REV3L: variants seen among roughly 807,000 people sequenced by gnomAD.
REV3L encodes DNA polymerase zeta catalytic subunit.
REV3L carries 69 observed loss-of-function variants against 299.4 expected under a neutral mutation model. The observed-to-expected ratio is 0.23, with a 90% CI of 0.19 to 0.28. The LOEUF is 0.28. Among genes scored for constraint, REV3L ranks in the 10% least tolerant of loss-of-function variants. REV3L has a pLI of 1.00. For missense variants in REV3L, 3,128 were observed against 3,693.8 expected (o/e 0.85, Z 3.97); for synonymous variants, 1,238 against 1,271.4 (o/e 0.97, Z 0.56).
chr6:111,432,951 G>A (rs1787117818), intron 1 of REV3L, among the ~76,000 whole-genome samples: 1 of 152,032 alleles, frequency 6.6e-6, no homozygotes, highest in African/African-American at 2.4e-5. Context: ...AATGACCAAT[G>A]GGTCAATAAA....
chr6:111,335,746 G>A, intron 21 of REV3L, 136 bp from the exon 22 acceptor site: 1 of 770,936 alleles, frequency 1.3e-6, no homozygotes, highest in Non-Finnish European at 1.9e-6. Context: ...GAGCCTTTAA[G>A]CAAAGTATGC....
intron 27 of REV3L, 129 bp from the exon 28 acceptor site, chr6:111,313,618 C>A: frequency 1.1e-6 from 1 of 893,564 alleles, no homozygotes; most frequent in Non-Finnish European, 1.6e-6. Context: ...TGACTTTGGG[C>A]CCAACAAATT....
intron 20 of REV3L, among the ~76,000 whole-genome samples, chr6:111,348,726 C>T (rs751753870): frequency 6.6e-6 from 1 of 152,162 alleles, no homozygotes; most frequent in Non-Finnish European, 1.5e-5. Context: ...CACAGCTCAC[C>T]GCAACCTCGG....
chr6:111,465,714 C>T (rs1583094546), intron 1 of REV3L, among the ~76,000 whole-genome samples: 1 of 72,084 alleles, frequency 1.4e-5, no homozygotes, highest in Non-Finnish European at 2.6e-5. Context: ...GCCTGGGCAA[C>T]AAAGCGAGAT....
At chr6:111,449,171 A>G (rs1350147146) in intron 1 of REV3L, among the ~76,000 whole-genome samples, 1 of 152,216 alleles carries the variant, frequency 6.6e-6, no homozygotes, top group Non-Finnish European at 1.5e-5. Flanking sequence ...AAGCATGTAA[A>G]TCAATGGTCT....
chr6:111,347,115 C>T lies in REV3L; in HGVS notation c.7419+2103G>A, dbSNP rs549438219. Among the ~76,000 whole-genome samples the T allele has an allele frequency of 2.0e-4, 31 of 151,982 alleles. No homozygotes were observed. The South Asian group carries it at 5.6e-3, about 28-fold the overall frequency. ...AAAAACCGTGTCTCTACTAAACATA[C>T]AAAAATTAGCCAGGTGTGGTTCAGG... On this transcript the variant is annotated intron_variant, in intron 20 of 31. Transcript: ENST00000368802.
chr6:111,329,487 G>C, intron 25 of REV3L, 45 bp downstream of exon 25: 2 of 1,581,240 alleles, frequency 1.3e-6, no homozygotes, highest in Non-Finnish European at 1.7e-6. Context: ...GTGCCTCACT[G>C]TATTTTAGTC....
intron 2 of REV3L, among the ~76,000 whole-genome samples, chr6:111,415,705 C>T (rs1216341762): frequency 1.3e-5 from 2 of 152,028 alleles, no homozygotes; most frequent in African/African-American, 2.4e-5. Flanking sequence ...ACTCCCTTAC[C>T]TCCTTCAGGT....
At chr6:111,344,602 A>G (rs1776847927) in intron 20 of REV3L, among the ~76,000 whole-genome samples, 1 of 152,234 alleles carries the variant, frequency 6.6e-6, no homozygotes, top group African/African-American at 2.4e-5. Flanking sequence ...CCAAATACGT[A>G]AGTGAAAGCA....
At chr6:111,449,640 A>G (rs1789269895) in intron 1 of REV3L, among the ~76,000 whole-genome samples, 1 of 152,234 alleles carries the variant, frequency 6.6e-6, no homozygotes, top group East Asian at 1.9e-4. Flanking sequence ...TAGATGGGCA[A>G]CATTAGCCCT....
At position 111,412,022 on chromosome 6, in the gene REV3L, A is replaced by G. The variant is rs959093146; in HGVS notation, c.330-468T>C. 17 of 985,312 alleles carry G rather than the reference A, an allele frequency of 1.7e-5. No homozygotes were observed. The African/African-American group carries it at 2.1e-4, about 12-fold the overall frequency. The allele number at this position is 985,312 out of a possible 1,614,324, so 61.0% of individuals were successfully genotyped here. A position where few individuals can be genotyped will look rare whatever the true frequency, so the allele number is the denominator to read the frequency against. On this transcript the variant is annotated intron_variant, in intron 2 of 31. Transcript: ENST00000368802. ...TGTTAAAAACTGAAGTTCTTCTTCAACAAAGTCCTTTACTTAACAACACTT... is the reference window on the plus strand; with the variant it reads ...TGTTAAAAACTGAAGTTCTTCTTCAGCAAAGTCCTTTACTTAACAACACTT...
At chr6:111,405,409 T>C (rs1783520593) in intron 4 of REV3L, 61 bp downstream of exon 4, 1 of 1,225,868 alleles carries the variant, frequency 8.2e-7, no homozygotes, top group Non-Finnish European at 1.2e-6. Context: ...ACTGACTATA[T>C]AACACTTGTT....
intron 23 of REV3L, among the ~76,000 whole-genome samples, chr6:111,332,851 A>G (rs1775533696): frequency 6.6e-6 from 1 of 152,234 alleles, no homozygotes; most frequent in Admixed American, 6.5e-5. Context: ...TCATTTTAAA[A>G]GAGACTATAG....
chr6:111,377,255 C>T (rs1402352040), intron 12 of REV3L, among the ~76,000 whole-genome samples: 1 of 152,108 alleles, frequency 6.6e-6, no homozygotes, highest in Non-Finnish European at 1.5e-5. Context: ...CTATAGCCTC[C>T]CTTAGCCAAC....
intron 1 of REV3L, among the ~76,000 whole-genome samples, chr6:111,481,328 G>C (rs766053252): frequency 1.3e-5 from 2 of 152,186 alleles, no homozygotes; most frequent in Non-Finnish European, 2.9e-5. Flanking sequence ...TAAAAGGGCA[G>C]AAAACCTATC....
rs1451854300 is a variant in REV3L, at chr6:111,373,071, A to C, written c.5284T>G (p.Phe1762Val). Residue 1762 changes from phenylalanine to valine, a missense_variant, in exon 13 of 32, where the codon TTC becomes GTC. Around this residue, in one of 9 missense-constraint regions of REV3L, gnomAD observed 2,409 missense variants for 2,611.8 expected, o/e 0.92. Coordinates refer to ENST00000368802, the MANE Select transcript of REV3L (RefSeq NM_001372078.1). ...TTRSNSIMDSFCVQQAEDCLS... is the reference protein window; with the variant it reads ...TTRSNSIMDSVCVQQAEDCLS... ...CAGTCTTCTGCCTGCTGAACACAGA[A>C]AGAATCCATTATTGAGTTAGACCGA... The C allele has an allele frequency of 1.6e-5, 26 of 1,614,022 alleles. No individual in the cohort carries two copies. The highest frequency in any genetic ancestry group is 2.1e-5 in the Non-Finnish European group (25 of 1,180,020).
At chr6:111,459,522 A>G (rs1441030174) in intron 1 of REV3L, among the ~76,000 whole-genome samples, 2 of 152,156 alleles carry the variant, frequency 1.3e-5, no homozygotes, top group Admixed American at 6.6e-5. Flanking sequence ...GAAACTATGT[A>G]TCTGACAAAG....
At chr6:111,459,278 A>G (rs561894705) in intron 1 of REV3L, among the ~76,000 whole-genome samples, 1 of 152,280 alleles carries the variant, frequency 6.6e-6, no homozygotes, top group South Asian at 2.1e-4. Context: ...TACAAAAATT[A>G]ACTCAAGATG....
chr6:111,353,724 A>T (rs972617412), intron 18 of REV3L: 2 of 152,228 alleles, frequency 1.3e-5, no homozygotes, highest in African/African-American at 4.8e-5. Context: ...GAAGTCCAGA[A>T]AGATCCCAGG....
Sources: gnomAD v4.1 joint callset for allele counts (sites outside exome capture counted in the v4.1 genomes callset) on GRCh38, gnomAD v4.1.1 for gene constraint, gnomAD v4.1.1 regional missense constraint, MANE v1.5 for transcripts, NCBI Gene and HGNC (gene_info 2026-07-23, HGNC 2026-07-21) for gene names.